Variants in LRRCC1 observed in about 807,000 individuals in gnomAD.
The protein encoded by LRRCC1 is leucine-rich repeat and coiled-coil domain-containing protein 1.
In LRRCC1, 115 loss-of-function variants were observed where a neutral mutation model predicts 126.0. The observed-to-expected ratio is 0.91, with a 90% CI of 0.78 to 1.07. The LOEUF (loss-of-function observed/expected upper bound fraction) is 1.07. LRRCC1 is among the 50% of genes least tolerant of loss of function. The pLI is 0.00. For synonymous variants in LRRCC1, 400 were observed against 393.4 expected (o/e 1.02, Z -0.20); for missense variants, 1,172 against 1,175.7 (o/e 1.00, Z 0.05).
At chr8:85,130,090 C>T in intron 11 of LRRCC1, 32 bp downstream of exon 11, 1 of 1,433,672 alleles carries the variant, frequency 7.0e-7, no homozygotes, top group Non-Finnish European at 9.2e-7. Context: ...AATGTATTGG[C>T]ATTTAAAAAA....
At chr8:85,120,443 A>C (rs192106651) in intron 6 of LRRCC1, among the ~76,000 whole-genome samples, 521 of 152,284 alleles carry the variant, frequency 3.4e-3, no homozygotes, top group African/African-American at 0.012. Context: ...AAGCACATAC[A>C]CATTTATGAC....
chr8:85,121,948 A>G (rs1184460052), intron 6 of LRRCC1, among the ~76,000 whole-genome samples: 1 of 152,200 alleles, frequency 6.6e-6, no homozygotes, highest in Non-Finnish European at 1.5e-5. Flanking sequence ...CCTTCAGCCA[A>G]GACTTCCAGC....
In LRRCC1 at chr8:85,113,049, A is replaced by G. The variant is rs768575152; in HGVS notation, c.494A>G (p.Asn165Ser). The change falls in exon 4 of 19, where the codon AAT becomes AGT. Residue 165 changes from asparagine to serine, a missense_variant. Physicochemically the swap from Asn to Ser is conservative, Grantham distance 46. Coordinates refer to ENST00000360375, the MANE Select transcript of LRRCC1 (RefSeq NM_033402.5). ...QCMVGLHFLT[N>S]LILEKDGDDN... The stretch of plus-strand genomic sequence containing the variant: ...ATGGTAGGATTGCACTTCCTGACCA[A>G]TCTTATTTTGGAGAAAGATGGAGAC... The G allele has an allele frequency of 2.5e-6, 4 of 1,612,690 alleles. No individual in the cohort carries two copies. The highest frequency in any genetic ancestry group is 3.4e-6 in the Non-Finnish European group (4 of 1,179,244).
At chr8:85,134,462 G>T (rs1810714113) in intron 12 of LRRCC1, among the ~76,000 whole-genome samples, 2 of 152,030 alleles carry the variant, frequency 1.3e-5, no homozygotes, top group Non-Finnish European at 2.9e-5. Flanking sequence ...GGATTTTACA[G>T]GTGTGCACCA....
rs761851692 is a variant in LRRCC1, at chr8:85,126,847, A to C, written c.1421+10A>C. 3.1e-6 allele frequency: 5 copies of C among 1,598,592 alleles called. No homozygotes were observed. The South Asian group carries it at 5.6e-5, about 18-fold the overall frequency. On this transcript the variant is annotated intron_variant, in intron 9 of 18. Coordinates refer to ENST00000360375, the MANE Select transcript of LRRCC1 (RefSeq NM_033402.5). ...TACTTACCACAGATAGGTAAAAAGA[A>C]ATTAATAAACCTGAAGATACCTCAT... is the stretch of plus-strand genomic sequence containing the variant.
intron 12 of LRRCC1, among the ~76,000 whole-genome samples, chr8:85,133,335 A>C (rs1474197203): frequency 6.6e-6 from 1 of 152,038 alleles, no homozygotes; most frequent in Non-Finnish European, 1.5e-5. Flanking sequence ...ACTTCTTTTC[A>C]GTCTCTTTGT....
At chr8:85,126,573 T>A (rs1194851560) in intron 8 of LRRCC1, 116 bp from the exon 9 acceptor site, 1 of 837,850 alleles carries the variant, frequency 1.2e-6, no homozygotes, top group East Asian at 2.7e-5. Flanking sequence ...ATAAAAAGTT[T>A]CACTGTAGCT....
At chr8:85,132,803 T>C (rs1810580370) in intron 12 of LRRCC1, among the ~76,000 whole-genome samples, 2 of 152,206 alleles carry the variant, frequency 1.3e-5, no homozygotes, top group South Asian at 4.1e-4. Context: ...AGAGGAATAA[T>C]TGTGCTCCTC....
intron 10 of LRRCC1, among the ~76,000 whole-genome samples, chr8:85,129,698 TATC>T (rs770790113): frequency 7.2e-5 from 11 of 152,212 alleles, no homozygotes; most frequent in Non-Finnish European, 1.2e-4. Context: ...GAATGGAAAT[TATC>T]ATTAAAATCT....
At position 85,124,985 on chromosome 8, in the gene LRRCC1, A is replaced by T. The variant is rs202007709; in HGVS notation, c.1272+46A>T. The T allele has an allele frequency of 4.3e-6, 6 of 1,391,062 alleles. No homozygotes were observed. In the African/African-American group the frequency reaches 9.0e-5, roughly 21 times the overall value. 86.2% of individuals were successfully genotyped at this position (1,391,062 alleles called of 1,614,324 possible). On this transcript the variant is annotated intron_variant, in intron 8 of 18. Transcript: ENST00000360375. The stretch of plus-strand genomic sequence containing the variant: ...AAAAAATGAGTATGAATAATTTTAA[A>T]TACAGAGTCCCAGAAAAATTATGCA...
Position 85,115,098 on chromosome 8 carries a change from A to G in LRRCC1, c.545-2A>G. 6.5e-7 allele frequency: 1 copy of G among 1,546,920 alleles called. No homozygotes were observed. The stretch of plus-strand genomic sequence containing the variant: ...TTTCATTTTGAATGATTTGTTTCCA[A>G]GGGTACAGAGCAGTTATTCTCCAGA... On this transcript the variant is annotated splice_acceptor_variant, in intron 4 of 18. Coordinates refer to ENST00000360375, the MANE Select transcript of LRRCC1 (RefSeq NM_033402.5). LOFTEE classifies it high-confidence loss of function.
rs774999314 is a variant in LRRCC1, at chr8:85,123,657, G to T, written c.1124+51G>T. The T allele has an allele frequency of 2.3e-6, 3 of 1,310,870 alleles. No individual in the cohort carries two copies. The Admixed American group carries it at 7.5e-5, about 33-fold the overall frequency. The allele number at this position is 1,310,870 out of a possible 1,614,324, so 81.2% of individuals were successfully genotyped here. A position where few individuals can be genotyped will look rare whatever the true frequency, so the allele number is the denominator to read the frequency against. Reference sequence around the variant, plus strand: ...AAGGCACACAGAAGTTAATAATGCTGGCTTCTCTCTTGAAGCTATCTCTTG... The same window carrying T: ...AAGGCACACAGAAGTTAATAATGCTTGCTTCTCTCTTGAAGCTATCTCTTG... On this transcript the variant is annotated intron_variant, in intron 7 of 18. Coordinates refer to ENST00000360375, the MANE Select transcript of LRRCC1 (RefSeq NM_033402.5).
intron 14 of LRRCC1, among the ~76,000 whole-genome samples, chr8:85,136,606 A>G (rs1450910828): frequency 6.6e-6 from 1 of 152,160 alleles, no homozygotes; most frequent in Non-Finnish European, 1.5e-5. Context: ...ATTTTAAGTT[A>G]TTTGTACAGT....
At chr8:85,123,942 A>G (rs1231425697) in intron 7 of LRRCC1, among the ~76,000 whole-genome samples, 1 of 152,154 alleles carries the variant, frequency 6.6e-6, no homozygotes, top group African/African-American at 2.4e-5. Flanking sequence ...TTGAACTAAT[A>G]ACATTAGTTC....
At chr8:85,139,258 G>C (rs1206828267) in intron 17 of LRRCC1, among the ~76,000 whole-genome samples, 1 of 151,870 alleles carries the variant, frequency 6.6e-6, no homozygotes, top group Non-Finnish European at 1.5e-5. Flanking sequence ...GAGGATGAGA[G>C]CCAATTTTTT....
Position 85,134,912 on chromosome 8 carries a change from T to A in LRRCC1, c.2034T>A (p.Ala678=). 1.3e-6 allele frequency: 2 copies of A among 1,597,204 alleles called. No homozygotes were observed. Among genetic ancestry groups the A allele is most frequent in the East Asian group, 4.5e-5 (2 of 44,110 alleles). Residue 678 remains alanine, a synonymous_variant, in exon 13 of 19, where the codon GCT becomes GCA. Transcript: ENST00000360375. ...LAKSKHALIW[A]QRKENESSSL... is the part of the protein sequence containing the mutation. ...AGAGCAAACATGCTCTTATTTGGGC[T>A]CAACGAAAAGAAAATGAGTCTTCCT...
rs1811597783 is a variant in LRRCC1 at position 85,145,317 on chromosome 8, T to C, written c.2977-72T>C. On this transcript the variant is annotated intron_variant, in intron 18 of 18. Transcript: ENST00000360375. ...TGTGTAAGAATAAATTTTGGACCTT[T>C]TCTTTCAGAATGCATTTTAAAAATA... The C allele has an allele frequency of 2.5e-6, 3 of 1,217,482 alleles. No homozygotes were observed. The East Asian group carries it at 8.3e-5, about 34-fold the overall frequency. The allele number at this position is 1,217,482 out of a possible 1,614,324, so 75.4% of individuals were successfully genotyped here.
chr8:85,141,860 A>T (rs1338380787), intron 18 of LRRCC1, among the ~76,000 whole-genome samples: 1 of 152,218 alleles, frequency 6.6e-6, no homozygotes. Flanking sequence ...AACATAATCC[A>T]TCACCACCTT....
chr8:85,130,788 T>C (rs975691825), intron 11 of LRRCC1, among the ~76,000 whole-genome samples: 3 of 152,198 alleles, frequency 2.0e-5, no homozygotes, highest in Non-Finnish European at 4.4e-5. Context: ...ATAGAAAATA[T>C]TTCAGGCTCT....
Sources: allele counts gnomAD v4.1 joint callset (sites outside exome capture counted in the v4.1 genomes callset), GRCh38; gene constraint gnomAD v4.1.1; transcripts MANE v1.5; gene names NCBI Gene and HGNC (gene_info 2026-07-23, HGNC 2026-07-21).